PTPRD: variants seen among roughly 807,000 people sequenced by gnomAD.
PTPRD encodes the protein protein tyrosine phosphatase receptor type D, also known as receptor-type tyrosine-protein phosphatase delta.
In PTPRD, 34 loss-of-function variants were observed where a neutral mutation model predicts 214.5. That is an observed-to-expected ratio of 0.16 (90% CI 0.12 to 0.21). The LOEUF (loss-of-function observed/expected upper bound fraction) is 0.21, where lower values mean the gene tolerates loss of function less well. Ranked by LOEUF, PTPRD falls within the 10% of genes least tolerant of loss-of-function variation. The pLI is 1.00. For synonymous variants in PTPRD, 1,128 were observed against 845.7 expected (o/e 1.33, Z -5.79); for missense variants, 2,545 against 2,398.7 (o/e 1.06, Z -1.27).
intron 8 of PTPRD, among the ~76,000 whole-genome samples, chr9:9,548,639 TAA>T (rs1569569185): frequency 6.6e-6 from 1 of 151,798 alleles, no homozygotes. Flanking sequence ...ACTTTTAAAG[TAA>T]AGACACAAAA....
intron 9 of PTPRD, among the ~76,000 whole-genome samples, chr9:9,347,985 A>G (rs1178839640): frequency 6.6e-6 from 1 of 152,198 alleles, no homozygotes; most frequent in Non-Finnish European, 1.5e-5. Flanking sequence ...AAAAAAAATC[A>G]GAGAGTATGT....
intron 5 of PTPRD, among the ~76,000 whole-genome samples, chr9:9,909,337 G>T (rs1489458597): frequency 2.0e-5 from 3 of 147,660 alleles, no homozygotes; most frequent in African/African-American, 5.0e-5. Flanking sequence ...TTTTTTTACG[G>T]CTTTTCCTAT....
intron 2 of PTPRD, among the ~76,000 whole-genome samples, chr9:10,382,750 C>G (rs1243635587): frequency 6.6e-6 from 1 of 151,862 alleles, no homozygotes; most frequent in Non-Finnish European, 1.5e-5. Context: ...TTTTTATCCA[C>G]TAATTTGCAT....
intron 7 of PTPRD, among the ~76,000 whole-genome samples, chr9:9,613,720 G>A (rs976063799): frequency 2.6e-5 from 4 of 152,156 alleles, no homozygotes; most frequent in African/African-American, 4.8e-5. Flanking sequence ...TGGGCACCAA[G>A]TGACAGCTTG....
At chr9:8,650,417 C>T (rs2096783615) in intron 12 of PTPRD, among the ~76,000 whole-genome samples, 2 of 150,860 alleles carry the variant, frequency 1.3e-5, no homozygotes, top group Admixed American at 1.3e-4. Flanking sequence ...CCCAGCTGCT[C>T]GGGAGGCTGA....
chr9:10,557,280 C>G (rs2062824775), intron 2 of PTPRD, among the ~76,000 whole-genome samples: 1 of 152,020 alleles, frequency 6.6e-6, no homozygotes, highest in Non-Finnish European at 1.5e-5. Context: ...GATGCCCCAT[C>G]CTATGAAAGG....
At chr9:9,300,892 T>G (rs564619499) in intron 9 of PTPRD, among the ~76,000 whole-genome samples, 1 of 152,020 alleles carries the variant, frequency 6.6e-6, no homozygotes, top group East Asian at 1.9e-4. Flanking sequence ...TTACGCATAT[T>G]GTTATTTATA....
intron 7 of PTPRD, among the ~76,000 whole-genome samples, chr9:9,717,155 A>G (rs2097849884): frequency 6.6e-6 from 1 of 152,030 alleles, no homozygotes; most frequent in Non-Finnish European, 1.5e-5. Context: ...AAGATCAGAT[A>G]GTTGTAGATA....
intron 3 of PTPRD, among the ~76,000 whole-genome samples, chr9:10,231,480 T>A (rs956801261): frequency 3.9e-5 from 6 of 151,974 alleles, no homozygotes; most frequent in African/African-American, 1.4e-4. Flanking sequence ...GAAATTATTG[T>A]ATAGTCTCTG....
intron 11 of PTPRD, among the ~76,000 whole-genome samples, chr9:8,997,810 C>T (rs1298606900): frequency 1.3e-5 from 2 of 152,012 alleles, no homozygotes; most frequent in African/African-American, 4.8e-5. Context: ...AGGAAAAATT[C>T]TTGAAGGAAA....
chr9:9,062,555 ATTAT>A (rs2099709429), intron 10 of PTPRD, among the ~76,000 whole-genome samples: 1 of 56,434 alleles, frequency 1.8e-5, no homozygotes, highest in South Asian at 1.0e-3. Context: ...CTCTCCATAT[ATTAT>A]CTATCTATCT....
chr9:9,968,434 G>T (rs1010971540), intron 4 of PTPRD, among the ~76,000 whole-genome samples: 8 of 152,128 alleles, frequency 5.3e-5, no homozygotes, highest in Non-Finnish European at 8.8e-5. Flanking sequence ...AAATAATCAA[G>T]AAAATATATT....
chr9:8,894,124 C>A (rs375624675), intron 11 of PTPRD, among the ~76,000 whole-genome samples: 2 of 151,892 alleles, frequency 1.3e-5, no homozygotes, highest in Non-Finnish European at 2.9e-5. Flanking sequence ...GAGGCCAAGG[C>A]GGGTGGATCA....
intron 11 of PTPRD, among the ~76,000 whole-genome samples, chr9:8,801,766 C>A (rs1256444545): frequency 6.6e-6 from 1 of 152,112 alleles, no homozygotes; most frequent in Non-Finnish European, 1.5e-5. Context: ...AGGAGTGTTA[C>A]CCATTAAACC....
At chr9:10,289,590 C>A (rs1419160135) in intron 3 of PTPRD, among the ~76,000 whole-genome samples, 2 of 152,058 alleles carry the variant, frequency 1.3e-5, no homozygotes, top group Non-Finnish European at 2.9e-5. Flanking sequence ...AATATTCCAA[C>A]TGGTCTTTAA....
At chr9:8,716,471 T>C (rs2098437392) in intron 12 of PTPRD, among the ~76,000 whole-genome samples, 2 of 152,220 alleles carry the variant, frequency 1.3e-5, no homozygotes, top group Non-Finnish European at 1.5e-5. Flanking sequence ...TTCCTATTGT[T>C]AAGCACAGAA....
At chr9:10,189,589 G>A (rs979352695) in intron 3 of PTPRD, among the ~76,000 whole-genome samples, 13 of 152,202 alleles carry the variant, frequency 8.5e-5, no homozygotes, top group Middle Eastern at 3.4e-3. Flanking sequence ...CGAGGAATTT[G>A]TAGCATGTTT....
intron 7 of PTPRD, among the ~76,000 whole-genome samples, chr9:9,613,474 TG>T (rs1392428994): frequency 6.6e-6 from 1 of 152,100 alleles, no homozygotes; most frequent in Non-Finnish European, 1.5e-5. Flanking sequence ...GATACATTCT[TG>T]CCCTTGTTGT....
chr9:9,004,333 T>C (rs1052721144), intron 11 of PTPRD, among the ~76,000 whole-genome samples: 1 of 152,058 alleles, frequency 6.6e-6, no homozygotes, highest in African/African-American at 2.4e-5. Flanking sequence ...ATATAAAATA[T>C]AAACCTCATA....
Sources: allele counts gnomAD v4.1 joint callset (sites outside exome capture counted in the v4.1 genomes callset), GRCh38; gene constraint gnomAD v4.1.1; transcripts MANE v1.5; gene names NCBI Gene and HGNC (gene_info 2026-07-23, HGNC 2026-07-21).